ARHGAP24: variants seen among roughly 807,000 people sequenced by gnomAD.
ARHGAP24 encodes Rho GTPase activating protein 24.
In ARHGAP24, 50 loss-of-function variants were observed where a neutral mutation model predicts 76.4. That is an observed-to-expected ratio of 0.65 (90% CI 0.52 to 0.83). The LOEUF is 0.83. Ranked by LOEUF, ARHGAP24 falls within the 40% of genes least tolerant of loss-of-function variation. The probability of loss-of-function intolerance (pLI) is 0.00; values close to 1 mark genes in which losing one functional copy is unlikely to be tolerated. For synonymous variants in ARHGAP24, 345 were observed against 323.3 expected (o/e 1.07, Z -0.72); for missense variants, 930 against 914.2 (o/e 1.02, Z -0.22).
chr4:85,664,308 T>C (rs1001504364), intron 2 of ARHGAP24, among the ~76,000 whole-genome samples: 1 of 151,096 alleles, frequency 6.6e-6, no homozygotes, highest in Non-Finnish European at 1.5e-5. Context: ...TAGAGGTGTT[T>C]GTAGTATTCT....
chr4:85,529,579 G>A (rs1725170309), intron 1 of ARHGAP24, among the ~76,000 whole-genome samples: 1 of 151,858 alleles, frequency 6.6e-6, no homozygotes, highest in Non-Finnish European at 1.5e-5. Context: ...TTTGTTGTTG[G>A]AACCAAACTG....
At chr4:85,607,759 A>T (rs1387797967) in intron 2 of ARHGAP24, among the ~76,000 whole-genome samples, 1 of 80,034 alleles carries the variant, frequency 1.2e-5, no homozygotes, top group Non-Finnish European at 3.0e-5. Context: ...AAGTATCAAA[A>T]ATACTTCCTC....
intron 3 of ARHGAP24, among the ~76,000 whole-genome samples, chr4:85,760,856 T>C (rs1726708161): frequency 6.6e-6 from 1 of 152,198 alleles, no homozygotes; most frequent in South Asian, 2.1e-4. Context: ...CAACTGTGTC[T>C]CATGTATGTT....
At chr4:85,818,891 C>T (rs888642514) in intron 3 of ARHGAP24, among the ~76,000 whole-genome samples, 1 of 152,154 alleles carries the variant, frequency 6.6e-6, no homozygotes, top group Non-Finnish European at 1.5e-5. Flanking sequence ...TGACCACTTC[C>T]TCATTCTTTG....
At chr4:85,851,319 C>T (rs1731218129) in intron 3 of ARHGAP24, among the ~76,000 whole-genome samples, 1 of 152,132 alleles carries the variant, frequency 6.6e-6, no homozygotes, top group African/African-American at 2.4e-5. Context: ...TCCTCTGTCC[C>T]TTTATTTTGA....
intron 1 of ARHGAP24, among the ~76,000 whole-genome samples, chr4:85,565,865 G>C (rs1726821189): frequency 6.6e-6 from 1 of 150,380 alleles, no homozygotes; most frequent in South Asian, 2.1e-4. Flanking sequence ...ATGTGTGTAT[G>C]GTTTGACTCT....
chr4:85,993,783 GAGA>G (rs899408358), intron 8 of ARHGAP24, among the ~76,000 whole-genome samples: 23 of 152,146 alleles, frequency 1.5e-4, no homozygotes, highest in Non-Finnish European at 2.9e-4. Context: ...AGGAGAGGAG[GAGA>G]AGATTAGAGC....
intron 3 of ARHGAP24, among the ~76,000 whole-genome samples, chr4:85,844,571 A>C (rs559887217): frequency 6.6e-6 from 1 of 152,194 alleles, no homozygotes; most frequent in Non-Finnish European, 1.5e-5. Flanking sequence ...TGTCTTAGGA[A>C]CTTAAAAAAT....
chr4:85,868,074 T>G (rs1606017), intron 3 of ARHGAP24, among the ~76,000 whole-genome samples: 6 of 151,346 alleles, frequency 4.0e-5, no homozygotes, highest in Non-Finnish European at 7.4e-5. Flanking sequence ...TTATACACTT[T>G]AGGGAGACAA....
intron 1 of ARHGAP24, among the ~76,000 whole-genome samples, chr4:85,518,308 T>TTC (rs1433020749): frequency 6.6e-6 from 1 of 152,142 alleles, no homozygotes; most frequent in Non-Finnish European, 1.5e-5. Flanking sequence ...CCCAAGGGTT[T>TTC]TCTAGTTAGA....
chr4:85,698,569 C>A (rs1723956079), intron 2 of ARHGAP24, among the ~76,000 whole-genome samples: 1 of 152,204 alleles, frequency 6.6e-6, no homozygotes, highest in Non-Finnish European at 1.5e-5. Flanking sequence ...GTCTGTTAAT[C>A]TCTTCCTGCT....
At chr4:85,653,582 T>G (rs1179429354) in intron 2 of ARHGAP24, among the ~76,000 whole-genome samples, 5 of 152,146 alleles carry the variant, frequency 3.3e-5, no homozygotes, top group African/African-American at 1.2e-4. Flanking sequence ...CAAGCGGTTC[T>G]CCTTTCTCAG....
intron 3 of ARHGAP24, among the ~76,000 whole-genome samples, chr4:85,833,795 G>A (rs1384282231): frequency 2.0e-5 from 3 of 152,156 alleles, no homozygotes; most frequent in Non-Finnish European, 2.9e-5. Flanking sequence ...TGAGAATGAA[G>A]GCCAAATGTG....
chr4:85,912,809 T>C (rs1472310276), intron 3 of ARHGAP24, among the ~76,000 whole-genome samples: 2 of 152,198 alleles, frequency 1.3e-5, no homozygotes, highest in African/African-American at 4.8e-5. Flanking sequence ...CTTCCTTCCT[T>C]ATTTTGCCCC....
intron 3 of ARHGAP24, among the ~76,000 whole-genome samples, chr4:85,775,108 G>A (rs1156352370): frequency 5.3e-5 from 8 of 152,142 alleles, no homozygotes. Flanking sequence ...GATCATTTCA[G>A]ACATGGAAAG....
intron 2 of ARHGAP24, among the ~76,000 whole-genome samples, chr4:85,671,674 T>A (rs1037396642): frequency 6.6e-6 from 1 of 152,226 alleles, no homozygotes; most frequent in Admixed American, 6.5e-5. Context: ...ATACTTTTTA[T>A]GTATCCAGTA....
At chr4:85,833,495 C>A (rs969975449) in intron 3 of ARHGAP24, among the ~76,000 whole-genome samples, 3 of 151,388 alleles carry the variant, frequency 2.0e-5, no homozygotes, top group Admixed American at 1.3e-4. Flanking sequence ...AAAAAAAAAA[C>A]AACAACAACA....
At chr4:85,919,637 AC>A (rs1735615254) in intron 3 of ARHGAP24, among the ~76,000 whole-genome samples, 1 of 152,204 alleles carries the variant, frequency 6.6e-6, no homozygotes, top group Non-Finnish European at 1.5e-5. Context: ...ACGCAGCACC[AC>A]TGGCAGAGAT....
Position 85,738,367 on chromosome 4 carries a change from T to TTTATTATTA in ARHGAP24, c.268+16424_268+16432dup, listed in dbSNP as rs58504018. ...CTTTGGCCTAGTTTTCATTTGGGCT[T>TTTATTATTA]TTATTATTATTATTATTATTATTAT... is the stretch of plus-strand genomic sequence containing the variant. On this transcript the variant is annotated intron_variant, in intron 3 of 9. Coordinates refer to ENST00000395184, the MANE Select transcript of ARHGAP24 (RefSeq NM_001025616.3). Among the ~76,000 whole-genome samples the TTTATTATTA allele has an allele frequency of 5.5e-3, 798 of 144,088 alleles. 6 individuals are homozygous for TTTATTATTA. The highest frequency in any genetic ancestry group is 5.4e-3 in the Non-Finnish European group (356 of 66,140). The allele number at this position is 144,088 out of a possible 152,430, so 94.5% of individuals were successfully genotyped here. A position where few individuals can be genotyped will look rare whatever the true frequency, so the allele number is the denominator to read the frequency against.
Sources: gnomAD v4.1 joint callset for allele counts (sites outside exome capture counted in the v4.1 genomes callset) on GRCh38, gnomAD v4.1.1 for gene constraint, MANE v1.5 for transcripts, NCBI Gene and HGNC (gene_info 2026-07-23, HGNC 2026-07-21) for gene names.